The following ATP1B1 variants were observed in gnomAD, a reference collection of about 807,000 sequenced individuals.
ATP1B1 encodes sodium/potassium-transporting ATPase subunit beta-1.
ATP1B1 carries 3 observed loss-of-function variants against 39.6 expected under a neutral mutation model. The ratio of observed to expected loss-of-function variants is 0.08; its 90% CI spans 0.03 to 0.20. ATP1B1 has a LOEUF of 0.20. Ranked by LOEUF, ATP1B1 falls within the 10% of genes least tolerant of loss-of-function variation. ATP1B1 has a pLI of 1.00. For missense variants in ATP1B1, 216 were observed against 371.1 expected, an observed-to-expected ratio of 0.58 and a Z score of 3.43; for synonymous variants, 139 against 135.0, an observed-to-expected ratio of 1.03 and a Z score of -0.20.
Position 169,113,286 on chromosome 1 carries a change from G to A in ATP1B1, c.226+1788G>A, listed in dbSNP as rs138499034. 4.8e-3 allele frequency among the ~76,000 whole-genome samples: 726 copies of A among 152,048 alleles called. 7 individuals carry two copies. Among genetic ancestry groups the A allele is most frequent in the African/African-American group, 0.017 (700 of 41,476 alleles). ...TCACCATGTTGGCCAGGCTGGTCTCGAACTCCTGGCCTCAGGTGATCCACC... is the reference window on the plus strand; with the variant it reads ...TCACCATGTTGGCCAGGCTGGTCTCAAACTCCTGGCCTCAGGTGATCCACC... On this transcript the variant is annotated intron_variant, in intron 2 of 5. Transcript: ENST00000367815.
At position 169,131,192 on chromosome 1, in the gene ATP1B1, A is replaced by T. The variant is rs761229836; in HGVS notation, c.649-100A>T. 7.0e-7 allele frequency: 1 copy of T among 1,429,038 alleles called. No homozygotes were observed. The highest frequency in any genetic ancestry group is 1.4e-5 in the African/African-American group (1 of 70,210). 88.5% of individuals were successfully genotyped at this position (1,429,038 alleles called of 1,614,324 possible). A position where few individuals can be genotyped will look rare whatever the true frequency, so the allele number is the denominator to read the frequency against. ...CTGAGTAGATGTTCTTTCCTCTCTC[A>T]GTAGTTTGCAAACTACTGTGTAGAT... On this transcript the variant is annotated intron_variant, in intron 5 of 5. Transcript: ENST00000367815. The surrounding 1 kb of genome is among the most constrained non-coding windows in gnomAD (Gnocchi z 4.4).
intron 2 of ATP1B1, among the ~76,000 whole-genome samples, chr1:169,113,284 T>C (rs939380709): frequency 1.3e-5 from 2 of 152,122 alleles, no homozygotes; most frequent in African/African-American, 2.4e-5. Context: ...CAGGCTGGTC[T>C]CGAACTCCTG....
chr1:169,112,166 G>A (rs1379357792), intron 2 of ATP1B1, among the ~76,000 whole-genome samples: 1 of 152,188 alleles, frequency 6.6e-6, no homozygotes, highest in Non-Finnish European at 1.5e-5. Flanking sequence ...TTAATTAACT[G>A]TCTCTTTTAG....
At chr1:169,109,878 T>G (rs1368184815) in intron 1 of ATP1B1, among the ~76,000 whole-genome samples, 6 of 151,986 alleles carry the variant, frequency 3.9e-5, no homozygotes, top group Non-Finnish European at 5.9e-5. Context: ...CTGGAAAAAT[T>G]TTCCAGATCT....
In ATP1B1 at chr1:169,106,875, A is replaced by G. The variant is rs1403908438; in HGVS notation, c.46A>G (p.Ile16Val). The change falls in exon 1 of 6, where the codon ATC (isoleucine) becomes GTC (valine). Residue 16 changes from isoleucine (I) to valine (V), a missense_variant. Transcript: ENST00000367815. ...AKEEGSWKKF[I>V]WNSEKKEFLG... The stretch of plus-strand genomic sequence containing the variant: ...GGAGGAGGGCAGCTGGAAGAAATTC[A>G]TCTGGAACTCAGAGAAGAAGGAGTT... 1 of 1,585,882 alleles carries G rather than the reference A, an allele frequency of 6.3e-7. No homozygotes were observed. The highest frequency in any genetic ancestry group is 8.6e-7 in the Non-Finnish European group (1 of 1,168,470).
intron 2 of ATP1B1, among the ~76,000 whole-genome samples, chr1:169,116,701 C>G (rs946419258): frequency 9.9e-5 from 15 of 151,842 alleles, no homozygotes; most frequent in Admixed American, 9.8e-4. Context: ...AAATACAAAA[C>G]TTAGCTAGGC....
At chr1:169,123,575 A>ATCTCTC (rs1315031887) in intron 2 of ATP1B1, among the ~76,000 whole-genome samples, 3 of 60,562 alleles carry the variant, frequency 5.0e-5, no homozygotes, top group African/African-American at 1.2e-4. Context: ...GTTAAACTAT[A>ATCTCTC]TCTCTCTCTC....
rs1658225374 is a variant in ATP1B1, at chr1:169,131,754, T to C, written c.*199T>C. ...TAGCAACAAAATATTTATTCTACTGTAAATGACAAAAGAAAAAGAAAAATT... is the reference window on the plus strand; with the variant it reads ...TAGCAACAAAATATTTATTCTACTGCAAATGACAAAAGAAAAAGAAAAATT... On this transcript the variant is annotated 3_prime_UTR_variant, in exon 6 of 6. Transcript: ENST00000367815. The surrounding 1 kb of genome is among the most constrained non-coding windows in gnomAD (Gnocchi z 4.4). 7.3e-6 allele frequency: 5 copies of C among 688,374 alleles called. No homozygotes were observed. Among genetic ancestry groups the C allele is most frequent in the Non-Finnish European group, 1.1e-5 (5 of 440,878 alleles). The allele number at this position is 688,374 out of a possible 1,614,324, so 42.6% of individuals were successfully genotyped here.
intron 1 of ATP1B1, chr1:169,110,494 G>A (rs1657703660): frequency 2.1e-6 from 1 of 466,748 alleles, no homozygotes; most frequent in African/African-American, 2.1e-5. Context: ...CTGTTACTAT[G>A]CAGCTAATCA....
At chr1:169,113,515 C>T (rs1657770356) in intron 2 of ATP1B1, among the ~76,000 whole-genome samples, 3 of 152,108 alleles carry the variant, frequency 2.0e-5, no homozygotes, top group Admixed American at 6.5e-5. Context: ...TAAAAATTCT[C>T]TTTGTGCCCT....
chr1:169,127,589 A>G (rs78912504), intron 4 of ATP1B1, among the ~76,000 whole-genome samples, 181 bp downstream of exon 4: 1,802 of 152,334 alleles, frequency 0.012, 24 homozygotes, highest in Middle Eastern at 0.024. Flanking sequence ...TAGGACATTA[A>G]TCTCATTTTC....
rs932646675 is a variant in ATP1B1 at position 169,106,750 on chromosome 1, C to A, written c.-80C>A. The A allele has an allele frequency of 3.4e-6, 4 of 1,184,378 alleles. No individual in the cohort carries two copies. Among genetic ancestry groups the A allele is most frequent in the Non-Finnish European group, 4.6e-6 (4 of 865,396 alleles). 73.4% of individuals were successfully genotyped at this position (1,184,378 alleles called of 1,614,324 possible). A position where few individuals can be genotyped will look rare whatever the true frequency, so the allele number is the denominator to read the frequency against. Reference sequence around the variant, plus strand: ...CTGCAGAGAGCCAGGCCGGAGAAGCCGAGCGGCGCAGAGGACGCCAGGGCG... The same window carrying A: ...CTGCAGAGAGCCAGGCCGGAGAAGCAGAGCGGCGCAGAGGACGCCAGGGCG... On this transcript the variant is annotated 5_prime_UTR_variant, in exon 1 of 6. Transcript: ENST00000367815.
At chr1:169,109,228 T>G (rs926434711) in intron 1 of ATP1B1, among the ~76,000 whole-genome samples, 8 of 152,224 alleles carry the variant, frequency 5.3e-5, no homozygotes, top group Admixed American at 6.5e-5. Flanking sequence ...CACTGTTTGT[T>G]TGTTCATTTG....
chr1:169,110,519 G>A (rs1156302578), intron 1 of ATP1B1: 15 of 649,320 alleles, frequency 2.3e-5, no homozygotes, highest in Non-Finnish European at 3.3e-5. Flanking sequence ...GATAATCCTT[G>A]TAAACCAGTA....
chr1:169,126,596 A>T (rs527275946), intron 3 of ATP1B1, among the ~76,000 whole-genome samples: 1 of 151,970 alleles, frequency 6.6e-6, no homozygotes, highest in South Asian at 2.1e-4. Flanking sequence ...CTGTAGTCCC[A>T]GCTACTCAGG....
At chr1:169,121,137 G>T (rs928690381) in intron 2 of ATP1B1, among the ~76,000 whole-genome samples, 1 of 151,778 alleles carries the variant, frequency 6.6e-6, no homozygotes, top group Non-Finnish European at 1.5e-5. Flanking sequence ...AGTAGAGATG[G>T]GGTTTCACCA....
chr1:169,124,500 T>C (rs962086097), intron 2 of ATP1B1, among the ~76,000 whole-genome samples: 4 of 152,186 alleles, frequency 2.6e-5, no homozygotes, highest in East Asian at 1.9e-4. Context: ...TTTAAAAAAC[T>C]GTGCACGTTG....
chr1:169,123,274 T>G (rs183002280), intron 2 of ATP1B1, among the ~76,000 whole-genome samples: 2 of 152,288 alleles, frequency 1.3e-5, no homozygotes, highest in African/African-American at 4.8e-5. Flanking sequence ...TTCGTACTTA[T>G]TAAACAGATT....
chr1:169,110,757 C>T (rs1657712167), intron 1 of ATP1B1: 22 of 1,105,538 alleles, frequency 2.0e-5, no homozygotes, highest in Admixed American at 1.0e-4. Flanking sequence ...TCTTGTCCTC[C>T]GAGGGGAAAG....
Sources: allele counts gnomAD v4.1 joint callset (sites outside exome capture counted in the v4.1 genomes callset), GRCh38; gene constraint gnomAD v4.1.1; non-coding constraint Gnocchi (gnomAD v3.1); transcripts MANE v1.5; gene names NCBI Gene and HGNC (gene_info 2026-07-23, HGNC 2026-07-21).